Variants in CTIF observed in about 807,000 individuals in gnomAD.
The protein encoded by CTIF is cap binding complex dependent translation initiation factor, also known as CBP80/20-dependent translation initiation factor.
Under a neutral mutation model 66.0 loss-of-function variants are expected in CTIF, and 21 were observed. The observed-to-expected ratio is 0.32, with a 90% CI of 0.23 to 0.46. The LOEUF (loss-of-function observed/expected upper bound fraction) is 0.46. CTIF is among the 20% of genes least tolerant of loss of function. The pLI is 1.00. For missense variants in CTIF, 739 were observed against 812.7 expected (o/e 0.91, Z 1.10); for synonymous variants, 345 against 326.4 (o/e 1.06, Z -0.62).
In CTIF at chr18:48,730,407, A is replaced by AGGGGCTTCCG. The variant is rs2092435921; in HGVS notation, c.584+18712_584+18713insGGGGCTTCCG. Among the ~76,000 whole-genome samples the AGGGGCTTCCG allele has an allele frequency of 1.1e-4, 5 of 44,158 alleles. 1 individual carries two copies. The highest frequency in any genetic ancestry group is 1.4e-4 in the Non-Finnish European group (3 of 21,212). 29.0% of individuals were successfully genotyped at this position (44,158 alleles called of 152,430 possible). A position where few individuals can be genotyped will look rare whatever the true frequency, so the allele number is the denominator to read the frequency against. ...GGCTCCTGCTGTGTGAGGGGCTTCC[A>AGGGGCTTCCG]CGGTGTGTGGGGCCCCTGCGCTGTG... On this transcript the variant is annotated intron_variant, in intron 7 of 11. Coordinates refer to ENST00000256413, the MANE Select transcript of CTIF (RefSeq NM_014772.3).
At chr18:48,585,047 G>T (rs939570951) in intron 1 of CTIF, among the ~76,000 whole-genome samples, 1 of 152,222 alleles carries the variant, frequency 6.6e-6, no homozygotes, top group Non-Finnish European at 1.5e-5. Context: ...TGTTCCATGC[G>T]TGTGTCTTTG....
intron 2 of CTIF, among the ~76,000 whole-genome samples, chr18:48,628,188 G>A (rs1280985698): frequency 2.0e-5 from 3 of 152,180 alleles, no homozygotes; most frequent in Non-Finnish European, 4.4e-5. Flanking sequence ...GCTCTGGGGG[G>A]CAAAGGTCAA....
At position 48,652,039 on chromosome 18, in the gene CTIF, C is replaced by T. The variant is rs548119908; in HGVS notation, c.253-11713C>T. 7.2e-4 allele frequency among the ~76,000 whole-genome samples: 109 copies of T among 152,172 alleles called. 1 individual carries two copies. Among genetic ancestry groups the T allele is most frequent in the African/African-American group, 2.4e-3 (101 of 41,530 alleles). On this transcript the variant is annotated intron_variant, in intron 3 of 11. Coordinates refer to ENST00000256413, the MANE Select transcript of CTIF (RefSeq NM_014772.3). Reference sequence around the variant, plus strand: ...GGAAAGATCTAAAATTGACAAAGATCTAAAATCGACACCCTAACATCACAA... The same window carrying T: ...GGAAAGATCTAAAATTGACAAAGATTTAAAATCGACACCCTAACATCACAA...
intron 1 of CTIF, among the ~76,000 whole-genome samples, chr18:48,591,133 A>C (rs1445276738): frequency 6.6e-6 from 1 of 152,180 alleles, no homozygotes; most frequent in Non-Finnish European, 1.5e-5. Context: ...TGACTGATCC[A>C]TCTCCCTTGT....
At chr18:48,832,616 G>A (rs1440910628) in intron 10 of CTIF, among the ~76,000 whole-genome samples, 4 of 152,314 alleles carry the variant, frequency 2.6e-5, no homozygotes, top group African/African-American at 9.6e-5. Context: ...GTGGCCGAGT[G>A]TGTGGAAGGC....
intron 9 of CTIF, among the ~76,000 whole-genome samples, chr18:48,771,503 C>A (rs909461339): frequency 1.3e-5 from 2 of 152,202 alleles, no homozygotes; most frequent in African/African-American, 4.8e-5. Flanking sequence ...AATTATTTCA[C>A]CATCACCCGT....
At chr18:48,689,433 T>C (rs767837096) in intron 6 of CTIF, among the ~76,000 whole-genome samples, 1 of 152,202 alleles carries the variant, frequency 6.6e-6, no homozygotes, top group Non-Finnish European at 1.5e-5. Context: ...CAGCTTGAAT[T>C]GAAGGCTTGG....
At chr18:48,813,959 A>G (rs994488624) in intron 9 of CTIF, among the ~76,000 whole-genome samples, 1 of 152,202 alleles carries the variant, frequency 6.6e-6, no homozygotes, top group Non-Finnish European at 1.5e-5. Context: ...GTACTGACAG[A>G]TACTGTCTAC....
intron 1 of CTIF, among the ~76,000 whole-genome samples, chr18:48,561,616 G>T (rs1460418589): frequency 6.6e-6 from 1 of 152,216 alleles, no homozygotes; most frequent in Non-Finnish European, 1.5e-5. Context: ...GAAGCCCAAA[G>T]TATCACTGAT....
intron 10 of CTIF, among the ~76,000 whole-genome samples, chr18:48,818,519 G>T (rs952091234): frequency 6.6e-6 from 1 of 152,174 alleles, no homozygotes; most frequent in Non-Finnish European, 1.5e-5. Context: ...GAGGTTGGCC[G>T]GGTGGAAGGG....
intron 7 of CTIF, among the ~76,000 whole-genome samples, chr18:48,748,687 G>C (rs1022825366): frequency 6.6e-6 from 1 of 152,214 alleles, no homozygotes; most frequent in African/African-American, 2.4e-5. Context: ...AGGGTGTCCA[G>C]CTTTCAAGTT....
chr18:48,663,743 C>A lies in CTIF; in HGVS notation c.253-9C>A. 6.2e-7 allele frequency: 1 copy of A among 1,613,876 alleles called. No individual in the cohort carries two copies. Among genetic ancestry groups the A allele is most frequent in the Non-Finnish European group, 8.5e-7 (1 of 1,179,770 alleles). On this transcript the variant is annotated splice_polypyrimidine_tract_variant and intron_variant, in intron 3 of 11. Coordinates refer to ENST00000256413, the MANE Select transcript of CTIF (RefSeq NM_014772.3). ...TTAATGTCAGCCCTTTCACCCCCAT[C>A]TCTTCCAGAATGGCAGCAAAGACAA...
At chr18:48,786,551 G>A (rs1911724133) in intron 9 of CTIF, among the ~76,000 whole-genome samples, 1 of 152,200 alleles carries the variant, frequency 6.6e-6, no homozygotes, top group South Asian at 2.1e-4. Context: ...ATTGAAAGCA[G>A]TTCCTGGAAC....
chr18:48,644,277 A>G (rs2090985957), intron 3 of CTIF, among the ~76,000 whole-genome samples: 1 of 152,126 alleles, frequency 6.6e-6, no homozygotes, highest in Non-Finnish European at 1.5e-5. Flanking sequence ...GGCACTGGGC[A>G]CTGGGATGGT....
At chr18:48,639,351 T>C (rs1165978998) in intron 3 of CTIF, among the ~76,000 whole-genome samples, 1 of 152,168 alleles carries the variant, frequency 6.6e-6, no homozygotes, top group Non-Finnish European at 1.5e-5. Flanking sequence ...GCCAGGGACC[T>C]GCCTTCAAGG....
intron 9 of CTIF, among the ~76,000 whole-genome samples, chr18:48,816,237 A>T (rs1283629797): frequency 6.6e-6 from 1 of 152,198 alleles, no homozygotes; most frequent in African/African-American, 2.4e-5. Context: ...TTAACGCCTC[A>T]CATCAGAATT....
intron 9 of CTIF, among the ~76,000 whole-genome samples, chr18:48,787,485 C>T (rs1225876071): frequency 6.6e-6 from 1 of 152,176 alleles, no homozygotes; most frequent in African/African-American, 2.4e-5. Context: ...TTGCTTTACA[C>T]TCAGGGCTGT....
At chr18:48,706,315 G>A (rs377197353) in intron 6 of CTIF, among the ~76,000 whole-genome samples, 18 of 152,118 alleles carry the variant, frequency 1.2e-4, no homozygotes, top group East Asian at 3.9e-4. Flanking sequence ...ATATTTATGA[G>A]ATTGCAGGTG....
intron 7 of CTIF, among the ~76,000 whole-genome samples, chr18:48,719,116 A>G (rs1401981876): frequency 1.3e-5 from 2 of 152,156 alleles, no homozygotes; most frequent in Non-Finnish European, 2.9e-5. Flanking sequence ...ATACGAAAAT[A>G]TGCTTCTAGA....
Sources: gnomAD v4.1 joint callset for allele counts (sites outside exome capture counted in the v4.1 genomes callset) on GRCh38, gnomAD v4.1.1 for gene constraint, MANE v1.5 for transcripts, NCBI Gene and HGNC (gene_info 2026-07-23, HGNC 2026-07-21) for gene names.